The following VRK2 variants were observed in gnomAD, a reference collection of about 807,000 sequenced individuals.
The protein encoded by VRK2 is VRK serine/threonine kinase 2.
Under a neutral mutation model 57.6 loss-of-function variants are expected in VRK2, and 60 were observed. That is an observed-to-expected ratio of 1.04 (90% CI 0.85 to 1.29). The LOEUF is 1.29. Ranked by LOEUF, VRK2 falls within the 50% of genes most tolerant of loss-of-function variation. The pLI is 0.00. For synonymous variants in VRK2, 231 were observed against 199.2 expected, an observed-to-expected ratio of 1.16 and a Z score of -1.35; for missense variants, 705 against 588.1, an observed-to-expected ratio of 1.20 and a Z score of -2.06.
intron 1 of VRK2, among the ~76,000 whole-genome samples, chr2:57,965,905 T>C (rs1558516481): frequency 6.6e-6 from 1 of 152,220 alleles, no homozygotes; most frequent in Non-Finnish European, 1.5e-5. Context: ...CATTTACATA[T>C]ATGTATTATT....
chr2:57,978,669 T>TTTCC (rs542267731), intron 1 of VRK2, among the ~76,000 whole-genome samples: 9 of 149,936 alleles, frequency 6.0e-5, no homozygotes, highest in African/African-American at 1.0e-4. Context: ...ACTTGATTTG[T>TTTCC]TTCCTTCCTT....
chr2:58,047,596 C>CT (rs1203806116), intron 1 of VRK2: 1 of 382,738 alleles, frequency 2.6e-6, no homozygotes, highest in Non-Finnish European at 3.6e-6. Context: ...ACTTTGGAGA[C>CT]TTTAAGTTTT....
chr2:58,084,107 C>A lies in VRK2; in HGVS notation c.155C>A (p.Pro52Gln). 1 of 1,605,244 alleles carries A rather than the reference C, an allele frequency of 6.2e-7. No homozygotes were observed. The part of the protein sequence containing the change: ...LIYLAFPTNK[P>Q]EKDARHVVKV... ...TCTGCAGCTTTCCCCACAAATAAAC[C>A]AGAGAAAGATGCAAGACATGTAGTA... Residue 52 changes from proline to glutamine, a missense_variant, in exon 3 of 13, where the codon CCA (proline) becomes CAA (glutamine). Transcript: ENST00000340157.
At chr2:58,044,768 G>A (rs1300697480), upstream of VRK2, among the ~76,000 whole-genome samples, 1 of 152,214 alleles carries the variant, frequency 6.6e-6, no homozygotes, top group Non-Finnish European at 1.5e-5. Context: ...GAGAACAGCA[G>A]GCCACTGTGG....
At chr2:58,075,132 A>G (rs569342919) in intron 2 of VRK2, among the ~76,000 whole-genome samples, 30 of 152,118 alleles carry the variant, frequency 2.0e-4, no homozygotes, top group African/African-American at 7.2e-4. Context: ...CTTATAAGTG[A>G]GGACATGCAG....
At position 58,024,727 on chromosome 2, in the gene VRK2, G is replaced by C. The variant is rs1005495073; in HGVS notation, c.-438-938G>C. On this transcript the variant is annotated intron_variant, in intron 1 of 15. Transcript: ENST00000417641. ...TTAAGACATTTTATTTCAAAGTTTT[G>C]ATGCTATCATAAAGAATCGACTCCT... Among the ~76,000 whole-genome samples the C allele has an allele frequency of 5.9e-5, 9 of 152,030 alleles. 1 individual carries two copies. The highest frequency in any genetic ancestry group is 2.2e-4 in the African/African-American group (9 of 41,398).
At chr2:58,093,442 T>C (rs1287331575) in intron 7 of VRK2, among the ~76,000 whole-genome samples, 5 of 152,228 alleles carry the variant, frequency 3.3e-5, no homozygotes, top group African/African-American at 7.2e-5. Flanking sequence ...TCATGTGTTT[T>C]TTGGCTGCAT....
At chr2:58,051,601 G>A (rs941681548) in intron 2 of VRK2, among the ~76,000 whole-genome samples, 12 of 152,206 alleles carry the variant, frequency 7.9e-5, no homozygotes, top group African/African-American at 2.4e-4. Flanking sequence ...CATTCATTTC[G>A]ATTCTTTCCA....
intron 7 of VRK2, among the ~76,000 whole-genome samples, chr2:58,106,431 A>G (rs1291759725): frequency 6.6e-6 from 1 of 152,020 alleles, no homozygotes; most frequent in Non-Finnish European, 1.5e-5. Flanking sequence ...TGCTATTATC[A>G]TTTATAATAT....
intron 1 of VRK2, among the ~76,000 whole-genome samples, chr2:57,926,439 A>ATATG (rs1558496592): frequency 6.9e-6 from 1 of 145,654 alleles, no homozygotes; most frequent in Non-Finnish European, 1.5e-5. Context: ...ACATATATAT[A>ATATG]TGTGTGTGTG....
chr2:57,934,421 C>T (rs1670836508), intron 1 of VRK2, among the ~76,000 whole-genome samples: 1 of 152,190 alleles, frequency 6.6e-6, no homozygotes, highest in Admixed American at 6.5e-5. Flanking sequence ...TCCACTCTCT[C>T]CTCACCTGTG....
intron 1 of VRK2, among the ~76,000 whole-genome samples, chr2:57,962,443 C>T (rs773416453): frequency 6.6e-6 from 1 of 151,894 alleles, no homozygotes; most frequent in African/African-American, 2.4e-5. Flanking sequence ...ATTTTAGGTT[C>T]GGGGTACATA....
chr2:58,048,468 A>G, intron 1 of VRK2: 2 of 960,878 alleles, frequency 2.1e-6, no homozygotes, highest in Non-Finnish European at 2.8e-6. Flanking sequence ...CAATATTTCC[A>G]TGTACATGAA....
At chr2:58,101,225 C>G (rs1031408447) in intron 7 of VRK2, among the ~76,000 whole-genome samples, 3 of 151,622 alleles carry the variant, frequency 2.0e-5, no homozygotes, top group African/African-American at 7.3e-5. Context: ...ATAATTTTCC[C>G]TGCAGAACAA....
intron 1 of VRK2, among the ~76,000 whole-genome samples, chr2:57,978,248 C>T (rs1672309074): frequency 1.3e-5 from 2 of 150,984 alleles, no homozygotes; most frequent in Non-Finnish European, 2.9e-5. Context: ...AAAAATTGAA[C>T]ATATCCAAAA....
Position 58,115,054 on chromosome 2 carries a change from G to A in VRK2, c.544-8047G>A, listed in dbSNP as rs548641622. Among the ~76,000 whole-genome samples, 3 of 152,270 alleles carry A rather than the reference G, an allele frequency of 2.0e-5. No homozygotes were observed. In the East Asian group the frequency reaches 5.8e-4, roughly 29 times the overall value. ...GAACACTGAGAAGTTATTTCCTTGA[G>A]GATAGATTTCCACGATGGAAAGGAA... On this transcript the variant is annotated intron_variant, in intron 7 of 12. Coordinates refer to ENST00000340157, the MANE Select transcript of VRK2 (RefSeq NM_006296.7).
In VRK2 at chr2:58,041,047, T is replaced by C. The variant is rs561867858; in HGVS notation, c.-6+7494T>C. Reference sequence around the variant, plus strand: ...TCTCCTCCTTATCCAGCTCATGTTTTTGGTTACTGCAGGGATGTTAACTGG... The same window carrying C: ...TCTCCTCCTTATCCAGCTCATGTTTCTGGTTACTGCAGGGATGTTAACTGG... On this transcript the variant is annotated intron_variant, in intron 3 of 15. Coordinates refer to the VRK2 transcript ENST00000417641. 21 of 985,352 alleles carry C rather than the reference T, an allele frequency of 2.1e-5. No homozygotes were observed. In the East Asian group the frequency reaches 2.3e-3, roughly 107 times the overall value. 61.0% of individuals were successfully genotyped at this position (985,352 alleles called of 1,614,324 possible).
chr2:58,059,803 G>A (rs1677064605), intron 2 of VRK2, among the ~76,000 whole-genome samples: 1 of 151,654 alleles, frequency 6.6e-6, no homozygotes, highest in Non-Finnish European at 1.5e-5. Context: ...TACAATGCAA[G>A]ATTTTATACT....
At chr2:57,928,639 T>G (rs183398726) in intron 1 of VRK2, among the ~76,000 whole-genome samples, 1 of 152,188 alleles carries the variant, frequency 6.6e-6, no homozygotes, top group African/African-American at 2.4e-5. Flanking sequence ...ATATTTATTG[T>G]AGTCTTCACA....
Sources: gnomAD v4.1 joint callset for allele counts (sites outside exome capture counted in the v4.1 genomes callset) on GRCh38, gnomAD v4.1.1 for gene constraint, MANE v1.5 for transcripts, NCBI Gene and HGNC (gene_info 2026-07-23, HGNC 2026-07-21) for gene names.